The following LSM11 variants were observed in gnomAD, a reference collection of about 807,000 sequenced individuals.
LSM11 encodes LSM11, U7 small nuclear RNA associated.
LSM11 carries 14 observed loss-of-function variants against 28.1 expected under a neutral mutation model. That is an observed-to-expected ratio of 0.50 (90% CI 0.33 to 0.78). The LOEUF is 0.78. Among genes scored for constraint, LSM11 ranks in the 30% least tolerant of loss-of-function variants. The pLI, the probability that LSM11 is intolerant of heterozygous loss-of-function variation, is 0.02. For missense variants in LSM11, 495 were observed against 510.6 expected (o/e 0.97, Z 0.30); for synonymous variants, 207 against 214.2 (o/e 0.97, Z 0.30).
At chr5:157,745,956 A>G (rs1237823176) in intron 1 of LSM11, among the ~76,000 whole-genome samples, 1 of 152,176 alleles carries the variant, frequency 6.6e-6, no homozygotes, top group Non-Finnish European at 1.5e-5. Context: ...TCACAAAACT[A>G]CCTATTGGGT....
chr5:157,753,125 A>G (rs1239704852), intron 2 of LSM11, among the ~76,000 whole-genome samples: 2 of 152,166 alleles, frequency 1.3e-5, no homozygotes, highest in Non-Finnish European at 2.9e-5. Context: ...TTGGTCGCAG[A>G]TCACACTGTT....
rs1447246492 is a variant in LSM11, at chr5:157,743,786, C to T, written c.36C>T (p.Gly12=). 4.9e-6 allele frequency: 7 copies of T among 1,435,462 alleles called. No homozygotes were observed. Among genetic ancestry groups the T allele is most frequent in the Non-Finnish European group, 6.4e-6 (7 of 1,097,532 alleles). The allele number at this position is 1,435,462 out of a possible 1,614,324, so 88.9% of individuals were successfully genotyped here. A position where few individuals can be genotyped will look rare whatever the true frequency, so the allele number is the denominator to read the frequency against. ...EERERGARSA[G]AGSPARPPSP... is the part of the protein sequence containing the mutation. ...GGGAGCGGGGGGCGAGGTCGGCTGG[C>T]GCCGGGAGCCCCGCGCGCCCGCCCA... Residue 12 remains glycine, a synonymous_variant, in exon 1 of 4, where the codon GGC becomes GGT. Coordinates refer to ENST00000286307, the MANE Select transcript of LSM11 (RefSeq NM_173491.4).
At position 157,755,800 on chromosome 5, in the gene LSM11, G is replaced by A. The variant is rs139873967; in HGVS notation, c.*536G>A. On this transcript the variant is annotated 3_prime_UTR_variant, in exon 4 of 4. Transcript: ENST00000286307. Reference sequence around the variant, plus strand: ...ATATATTATCTTTGAATATCTACAAGGAAAGTTACCAACTTATGTAGGGGT... The same window carrying A: ...ATATATTATCTTTGAATATCTACAAAGAAAGTTACCAACTTATGTAGGGGT... 350 of 401,294 alleles carry A rather than the reference G, an allele frequency of 8.7e-4. 1 individual carries two copies. Among genetic ancestry groups the A allele is most frequent in the African/African-American group, 6.1e-3 (296 of 48,664 alleles). 24.9% of individuals were successfully genotyped at this position (401,294 alleles called of 1,614,324 possible).
intron 1 of LSM11, among the ~76,000 whole-genome samples, chr5:157,750,295 C>A (rs536199933): frequency 1.6e-4 from 25 of 152,264 alleles, no homozygotes; most frequent in Admixed American, 4.6e-4. Context: ...TTTTATATAC[C>A]ATAGCCAGCA....
chr5:157,753,972 C>A, intron 2 of LSM11, 32 bp from the exon 3 acceptor site: 2 of 1,386,004 alleles, frequency 1.4e-6, no homozygotes, highest in Non-Finnish European at 9.7e-7. Flanking sequence ...TTAATTCTGT[C>A]TAATGTTTTT....
intron 1 of LSM11, 92 bp downstream of exon 1, chr5:157,744,290 G>A: frequency 1.0e-6 from 1 of 989,482 alleles, no homozygotes; most frequent in Non-Finnish European, 1.3e-6. Flanking sequence ...GGCCGGGCGC[G>A]GGTCTGCACG....
At position 157,755,651 on chromosome 5, in the gene LSM11, C is replaced by G; in HGVS notation, c.*387C>G. ...GTATTGCATGTCTAAAAGCTAGTGC[C>G]CTGAGTACTCATGAATTCGATTCCA... is the stretch of plus-strand genomic sequence containing the variant. On this transcript the variant is annotated 3_prime_UTR_variant, in exon 4 of 4. Transcript: ENST00000286307. 2.4e-6 allele frequency: 1 copy of G among 415,432 alleles called. No individual in the cohort carries two copies. The highest frequency in any genetic ancestry group is 4.0e-5 in the Admixed American group (1 of 24,914). The allele number at this position is 415,432 out of a possible 1,614,324, so 25.7% of individuals were successfully genotyped here.
chr5:157,753,945 C>T, intron 2 of LSM11, 59 bp from the exon 3 acceptor site: 2 of 1,169,568 alleles, frequency 1.7e-6, no homozygotes. Flanking sequence ...CCTGAAAAAG[C>T]TATACAAATA....
In LSM11 at chr5:157,743,846, C is replaced by T; in HGVS notation, c.96C>T (p.Asp32=). The T allele has an allele frequency of 6.4e-7, 1 of 1,554,706 alleles. No individual in the cohort carries two copies. ...TGGATGTCAGCTCTGACAGCTTCGA[C>T]CCGCTGCTGGCCCTGTACGCGCCCC... The part of the protein sequence containing the change: ...PRLDVSSDSF[D]PLLALYAPRL... The change falls in exon 1 of 4, where the codon GAC becomes GAT. Residue 32 remains aspartate, a synonymous_variant. Coordinates refer to ENST00000286307, the MANE Select transcript of LSM11 (RefSeq NM_173491.4).
chr5:157,754,565 G>A (rs549640399), intron 3 of LSM11, among the ~76,000 whole-genome samples: 13 of 151,952 alleles, frequency 8.6e-5, no homozygotes, highest in African/African-American at 3.1e-4. Flanking sequence ...GGTGGCAGGC[G>A]CCTGTAGTCC....
chr5:157,749,574 G>A (rs1018697145), intron 1 of LSM11, among the ~76,000 whole-genome samples: 33 of 84,052 alleles, frequency 3.9e-4, no homozygotes, highest in Non-Finnish European at 5.3e-4. Context: ...ACATATACAC[G>A]CGCGCGCACG....
chr5:157,755,560 G>A lies in LSM11; in HGVS notation c.*296G>A, dbSNP rs924183290. On this transcript the variant is annotated 3_prime_UTR_variant, in exon 4 of 4. Transcript: ENST00000286307. ...AATATCTGATCTTCCATTAGACTTA[G>A]GGGTCATGATATGAGTGGAATTTAC... 5.8e-6 allele frequency: 3 copies of A among 517,676 alleles called. No individual in the cohort carries two copies. The highest frequency in any genetic ancestry group is 1.0e-5 in the Non-Finnish European group (3 of 296,506). 32.1% of individuals were successfully genotyped at this position (517,676 alleles called of 1,614,324 possible). A position where few individuals can be genotyped will look rare whatever the true frequency, so the allele number is the denominator to read the frequency against.
In LSM11 at chr5:157,743,951, CCGGGGCGGCGGGCG is replaced by C; in HGVS notation, c.206_219del (p.Gly69AlafsTer85). 1.5e-6 allele frequency: 2 copies of C among 1,363,930 alleles called. No individual in the cohort carries two copies. The highest frequency in any genetic ancestry group is 2.0e-5 in the South Asian group (1 of 50,834). The allele number at this position is 1,363,930 out of a possible 1,614,324, so 84.5% of individuals were successfully genotyped here. Reference sequence around the variant, plus strand: ...ACGAGAGCTTCCTCAGGACCGGAGTCCGGGGCGGCGGGCGCGGGCGCGGGCGGGCTCGGGGCGCG... The same window carrying C: ...ACGAGAGCTTCCTCAGGACCGGAGTCCGGGCGCGGGCGGGCTCGGGGCGCG... On this transcript the variant is annotated frameshift_variant, in exon 1 of 4. Coordinates refer to ENST00000286307, the MANE Select transcript of LSM11 (RefSeq NM_173491.4). LOFTEE classifies it high-confidence loss of function.
chr5:157,749,294 T>G (rs1000682356), intron 1 of LSM11, among the ~76,000 whole-genome samples: 1 of 152,338 alleles, frequency 6.6e-6, no homozygotes, highest in East Asian at 1.9e-4. Flanking sequence ...CTTTCCACTC[T>G]TTGTATAAAC....
At chr5:157,748,055 A>G (rs1258435986) in intron 1 of LSM11, among the ~76,000 whole-genome samples, 3 of 151,968 alleles carry the variant, frequency 2.0e-5, no homozygotes, top group Admixed American at 6.6e-5. Context: ...TAGCATCACA[A>G]TAGGGAAGAC....
rs28415187 is a variant in LSM11, at chr5:157,747,291, C to T, written c.448+3093C>T. ...AAATGAACTGGTGTGTTCAAGCTCACGTCTTGACATTATAAAGCTGTAAGA... is the reference window on the plus strand; with the variant it reads ...AAATGAACTGGTGTGTTCAAGCTCATGTCTTGACATTATAAAGCTGTAAGA... On this transcript the variant is annotated intron_variant, in intron 1 of 3. Transcript: ENST00000286307. Among the ~76,000 whole-genome samples, 772 of 152,300 alleles carry T rather than the reference C, an allele frequency of 5.1e-3. 6 individuals are homozygous for T. The highest frequency in any genetic ancestry group is 0.018 in the African/African-American group (728 of 41,556).
intron 1 of LSM11, among the ~76,000 whole-genome samples, chr5:157,748,920 C>T (rs1439782562): frequency 6.6e-6 from 1 of 152,074 alleles, no homozygotes; most frequent in African/African-American, 2.4e-5. Context: ...GTCATAGAAA[C>T]CTGACTCATA....
intron 3 of LSM11, 82 bp from the exon 4 acceptor site, chr5:157,754,772 G>T (rs1761295522): frequency 1.5e-5 from 18 of 1,178,310 alleles, no homozygotes; most frequent in Middle Eastern, 3.0e-4. Flanking sequence ...CATAATTAAA[G>T]AATTTGGTCT....
chr5:157,750,548 A>G (rs1333047050), intron 1 of LSM11, among the ~76,000 whole-genome samples: 1 of 152,224 alleles, frequency 6.6e-6, no homozygotes, highest in Non-Finnish European at 1.5e-5. Context: ...CAGAAACACC[A>G]GTGAGTCCAG....
Sources: gnomAD v4.1 joint callset for allele counts (sites outside exome capture counted in the v4.1 genomes callset) on GRCh38, gnomAD v4.1.1 for gene constraint, MANE v1.5 for transcripts, NCBI Gene and HGNC (gene_info 2026-07-23, HGNC 2026-07-21) for gene names.